ZNG1E: variants seen among roughly 807,000 people sequenced by gnomAD.
ZNG1E encodes Zn regulated GTPase metalloprotein activator 1E, also known as zinc-regulated GTPase metalloprotein activator 1E.
chr9:65,728,108 A>T, the ZNG1E span, among the ~76,000 whole-genome samples: 1 of 152,166 alleles, frequency 6.6e-6, no homozygotes, highest in Non-Finnish European at 1.5e-5. Flanking sequence ...AACCTTCAAA[A>T]CCATGCAGAT....
the ZNG1E span, among the ~76,000 whole-genome samples, chr9:65,695,947 A>G: frequency 6.6e-6 from 1 of 151,772 alleles, no homozygotes; most frequent in Non-Finnish European, 1.5e-5. Flanking sequence ...AATATTTTGC[A>G]AAATTTTTTT....
chr9:65,684,423 C>A, the ZNG1E span, among the ~76,000 whole-genome samples: 1 of 152,188 alleles, frequency 6.6e-6, no homozygotes, highest in Admixed American at 6.6e-5. Flanking sequence ...ATAATCCCAG[C>A]TACTCAGGAG....
At chr9:65,699,154 C>T in the ZNG1E span, among the ~76,000 whole-genome samples, 1 of 150,736 alleles carries the variant, frequency 6.6e-6, no homozygotes, top group Non-Finnish European at 1.5e-5. Context: ...AGCTCCTGAC[C>T]TCAGGTGATC....
the ZNG1E span, among the ~76,000 whole-genome samples, chr9:65,667,228 T>C: frequency 6.6e-6 from 1 of 152,194 alleles, no homozygotes; most frequent in Admixed American, 6.6e-5. Context: ...CTAGCATCAG[T>C]TCAGAATTAA....
At chr9:65,715,000 G>A in the ZNG1E span, among the ~76,000 whole-genome samples, 6 of 149,778 alleles carry the variant, frequency 4.0e-5, no homozygotes, top group Non-Finnish European at 8.9e-5. Flanking sequence ...CCCCAGCCTC[G>A]CTGCCGCCTT....
chr9:65,665,274 C>T, the ZNG1E span, among the ~76,000 whole-genome samples: 15 of 152,378 alleles, frequency 9.8e-5, no homozygotes, highest in Admixed American at 9.8e-4. Flanking sequence ...GTTTCGTGGG[C>T]TGGGCCCAGG....
chr9:65,705,093 A>G, the ZNG1E span, among the ~76,000 whole-genome samples: 3 of 150,520 alleles, frequency 2.0e-5, no homozygotes, highest in Admixed American at 2.0e-4. Context: ...TTGAGTAGTT[A>G]AGATTAAGGA....
the ZNG1E span, among the ~76,000 whole-genome samples, chr9:65,685,655 T>C: frequency 3.3e-5 from 5 of 151,980 alleles, no homozygotes; most frequent in African/African-American, 1.2e-4. Flanking sequence ...GTTTCCACCA[T>C]ATCTGCAGTT....
the ZNG1E span, chr9:65,707,052 C>T: frequency 8.9e-6 from 1 of 112,004 alleles, no homozygotes; most frequent in African/African-American, 4.0e-5. Context: ...ACTGTGTCCC[C>T]CAAGTTGGAG....
the ZNG1E span, among the ~76,000 whole-genome samples, chr9:65,711,192 T>C: frequency 1.1e-5 from 1 of 92,640 alleles, no homozygotes; most frequent in Non-Finnish European, 2.1e-5. Flanking sequence ...GTGATTTTTG[T>C]ACATTGATTT....
At chr9:65,686,394 T>C in the ZNG1E span, among the ~76,000 whole-genome samples, 1 of 152,344 alleles carries the variant, frequency 6.6e-6, no homozygotes, top group African/African-American at 2.4e-5. Flanking sequence ...CTCAGCACTT[T>C]GGGAGGCCGA....
the ZNG1E span, among the ~76,000 whole-genome samples, chr9:65,699,563 TAAA>T: frequency 7.0e-5 from 3 of 43,016 alleles, no homozygotes; most frequent in African/African-American, 2.9e-4. Context: ...TTTATAGTGA[TAAA>T]GAAGACATTT....
chr9:65,685,070 G>A, the ZNG1E span, among the ~76,000 whole-genome samples: 10 of 128,854 alleles, frequency 7.8e-5, no homozygotes, highest in Admixed American at 3.2e-4. Flanking sequence ...AAAAAAAAAA[G>A]CTGTGTTTAT....
At chr9:65,704,522 G>A in the ZNG1E span, 1 of 648,316 alleles carries the variant, frequency 1.5e-6, no homozygotes, top group Non-Finnish European at 1.8e-6. Flanking sequence ...AAGATCAGAT[G>A]TCCTGAGTAG....
the ZNG1E span, among the ~76,000 whole-genome samples, chr9:65,680,468 T>C: frequency 6.6e-6 from 1 of 152,000 alleles, no homozygotes; most frequent in African/African-American, 2.4e-5. Flanking sequence ...TTTCACAATT[T>C]TATTTTTCAC....
At chr9:65,686,974 TTTTATTATCATTTGTGTG>T in the ZNG1E span, among the ~76,000 whole-genome samples, 1 of 151,962 alleles carries the variant, frequency 6.6e-6, no homozygotes, top group Middle Eastern at 3.2e-3. Flanking sequence ...AATAAGGCTG[TTTTATTATCATTTGTGTG>T]TTTACTGGAG....
chr9:65,704,072 A>G, the ZNG1E span: 1 of 151,126 alleles, frequency 6.6e-6, no homozygotes, highest in East Asian at 4.3e-4. Flanking sequence ...TTTCTCCTTA[A>G]TTTTTCTCCG....
the ZNG1E span, chr9:65,731,343 A>G: frequency 6.3e-6 from 1 of 158,768 alleles, no homozygotes; most frequent in Non-Finnish European, 1.4e-5. Flanking sequence ...GAAAGAATGA[A>G]TTAAATAATG....
the ZNG1E span, chr9:65,732,703 GT>G: frequency 7.7e-7 from 1 of 1,295,698 alleles, no homozygotes. Flanking sequence ...TCAGGTTTTG[GT>G]TGTGATAAAA....
Sources: gnomAD v4.1 joint callset for allele counts (sites outside exome capture counted in the v4.1 genomes callset) on GRCh38, gnomAD v4.1.1 for gene constraint, MANE v1.5 for transcripts, NCBI Gene and HGNC (gene_info 2026-07-23, HGNC 2026-07-21) for gene names.